MRPS27: variants seen among roughly 807,000 people sequenced by gnomAD.
The protein encoded by MRPS27 is mitochondrial ribosomal protein S27.
A neutral mutation model predicts 48.9 loss-of-function variants in MRPS27; 43 were observed. That is an observed-to-expected ratio of 0.88 (90% confidence interval 0.69 to 1.13). The LOEUF (loss-of-function observed/expected upper bound fraction) is 1.13, where lower values mean the gene tolerates loss of function less well. Ranked by LOEUF, MRPS27 falls within the 50% of genes most tolerant of loss-of-function variation. The probability of loss-of-function intolerance (pLI) is 0.00; values close to 1 mark genes in which losing one functional copy is unlikely to be tolerated. For synonymous variants in MRPS27, 188 were observed against 171.9 expected (o/e 1.09, Z -0.73); for missense variants, 467 against 476.3 (o/e 0.98, Z 0.18).
rs555945718 is a variant in MRPS27, at chr5:72,303,930, T to C, written c.152-6228A>G. ...AGATAAGGGCGAAATGAAGACATTTTTGGACAAACAAAAACAGAAAATGTA... is the reference window on the plus strand; with the variant it reads ...AGATAAGGGCGAAATGAAGACATTTCTGGACAAACAAAAACAGAAAATGTA... On this transcript the variant is annotated intron_variant, in intron 2 of 10. Coordinates refer to ENST00000261413, the MANE Select transcript of MRPS27 (RefSeq NM_015084.3). Among the ~76,000 whole-genome samples the C allele has an allele frequency of 5.3e-5, 8 of 151,574 alleles. No individual in the cohort carries two copies. The South Asian group carries it at 8.3e-4, about 16-fold the overall frequency.
At chr5:72,312,210 C>A (rs1386126066) in intron 2 of MRPS27, among the ~76,000 whole-genome samples, 9 of 152,094 alleles carry the variant, frequency 5.9e-5, no homozygotes, top group Non-Finnish European at 1.0e-4. Flanking sequence ...TCATTTGTGA[C>A]ATAATTATAC....
chr5:72,236,933 T>C (rs1268949768), intron 5 of MRPS27, among the ~76,000 whole-genome samples: 5 of 151,678 alleles, frequency 3.3e-5, no homozygotes, highest in Non-Finnish European at 7.4e-5. Flanking sequence ...CTTTTTTTTT[T>C]TTTTGAGACC....
At chr5:72,307,644 G>A (rs538856030) in intron 2 of MRPS27, among the ~76,000 whole-genome samples, 23 of 151,514 alleles carry the variant, frequency 1.5e-4, no homozygotes, top group Middle Eastern at 3.4e-3. Context: ...CTTATACCAA[G>A]GTGTCTACAC....
At chr5:72,223,383 C>T (rs886917024) in intron 10 of MRPS27, among the ~76,000 whole-genome samples, 1 of 152,224 alleles carries the variant, frequency 6.6e-6, no homozygotes, top group Admixed American at 6.5e-5. Context: ...CAGGTTATTG[C>T]TATGAGGAGG....
intron 2 of MRPS27, among the ~76,000 whole-genome samples, chr5:72,307,122 G>A (rs1475921232): frequency 1.3e-5 from 2 of 152,204 alleles, no homozygotes; most frequent in Non-Finnish European, 2.9e-5. Context: ...GGGAGGCCGA[G>A]GTGGGCGGAT....
chr5:72,275,808 T>C (rs1022526420), intron 4 of MRPS27, among the ~76,000 whole-genome samples: 1 of 152,038 alleles, frequency 6.6e-6, no homozygotes, highest in African/African-American at 2.4e-5. Context: ...CTAATCCCGG[T>C]TGGCTAAACA....
intron 4 of MRPS27, among the ~76,000 whole-genome samples, chr5:72,272,087 C>T (rs1017367176): frequency 6.6e-6 from 1 of 152,158 alleles, no homozygotes; most frequent in Admixed American, 6.5e-5. Flanking sequence ...ATTCCCCCCC[C>T]ATCTCCTGCC....
intron 2 of MRPS27, among the ~76,000 whole-genome samples, chr5:72,309,061 G>A (rs1750364574): frequency 6.6e-6 from 1 of 151,916 alleles, no homozygotes; most frequent in Admixed American, 6.6e-5. Flanking sequence ...ACACAAGGAA[G>A]GCACAAAGTG....
intron 4 of MRPS27, among the ~76,000 whole-genome samples, chr5:72,275,578 T>C (rs991268097): frequency 6.6e-6 from 1 of 152,110 alleles, no homozygotes; most frequent in African/African-American, 2.4e-5. Flanking sequence ...GCCAAGACAA[T>C]CCTAAGTGTT....
At chr5:72,231,217 C>T (rs1467977264) in intron 7 of MRPS27, among the ~76,000 whole-genome samples, 1 of 152,156 alleles carries the variant, frequency 6.6e-6, no homozygotes, top group African/African-American at 2.4e-5. Context: ...CACTGACTAT[C>T]TTCTTCCAGC....
chr5:72,256,793 A>G (rs984884730), intron 4 of MRPS27, among the ~76,000 whole-genome samples: 1 of 152,206 alleles, frequency 6.6e-6, no homozygotes, highest in African/African-American at 2.4e-5. Flanking sequence ...CTCTATGCTG[A>G]CTCATGTTAT....
intron 4 of MRPS27, among the ~76,000 whole-genome samples, chr5:72,254,135 T>C (rs529488929): frequency 6.6e-6 from 1 of 152,322 alleles, no homozygotes; most frequent in South Asian, 2.1e-4. Context: ...TTTGCTCTGA[T>C]GATTTTTCAA....
intron 4 of MRPS27, among the ~76,000 whole-genome samples, chr5:72,270,710 A>C (rs1230994053): frequency 2.0e-5 from 3 of 152,162 alleles, no homozygotes; most frequent in African/African-American, 7.2e-5. Flanking sequence ...TAAGCAAAGA[A>C]ATTTGGAGTC....
chr5:72,253,151 C>T (rs1457391361), intron 4 of MRPS27, among the ~76,000 whole-genome samples: 1 of 152,138 alleles, frequency 6.6e-6, no homozygotes, highest in Non-Finnish European at 1.5e-5. Flanking sequence ...ACCTCTCCTG[C>T]CGGCTTAGGT....
intron 4 of MRPS27, among the ~76,000 whole-genome samples, chr5:72,246,331 G>T (rs1748512619): frequency 6.6e-6 from 1 of 152,202 alleles, no homozygotes; most frequent in Admixed American, 6.5e-5. Flanking sequence ...CAGAGGAAGT[G>T]GAGTAGTATG....
intron 4 of MRPS27, among the ~76,000 whole-genome samples, chr5:72,244,757 G>C (rs954118706): frequency 2.0e-5 from 3 of 151,738 alleles, no homozygotes; most frequent in African/African-American, 7.3e-5. Context: ...GGCCTCAAGT[G>C]ATCTTCCTGC....
intron 4 of MRPS27, among the ~76,000 whole-genome samples, chr5:72,267,531 G>T (rs553769235): frequency 6.6e-6 from 1 of 152,306 alleles, no homozygotes; most frequent in East Asian, 1.9e-4. Flanking sequence ...TGTATACACA[G>T]TCAGGATTTT....
intron 7 of MRPS27, among the ~76,000 whole-genome samples, chr5:72,231,177 C>T (rs1004356129): frequency 2.0e-5 from 3 of 152,106 alleles, no homozygotes; most frequent in Non-Finnish European, 2.9e-5. Flanking sequence ...TCTCACCCCA[C>T]GTCCTCCCTA....
At chr5:72,277,765 A>T (rs1466557512) in intron 4 of MRPS27, among the ~76,000 whole-genome samples, 1 of 152,212 alleles carries the variant, frequency 6.6e-6, no homozygotes, top group Non-Finnish European at 1.5e-5. Flanking sequence ...GCCATAAAAA[A>T]GGAACGAGAT....
Sources: gnomAD v4.1 joint callset for allele counts (sites outside exome capture counted in the v4.1 genomes callset) on GRCh38, gnomAD v4.1.1 for gene constraint, MANE v1.5 for transcripts, NCBI Gene and HGNC (gene_info 2026-07-23, HGNC 2026-07-21) for gene names.